SLC41A3: variants seen among roughly 807,000 people sequenced by gnomAD.
The protein encoded by SLC41A3 is solute carrier family 41 member 3, also known as SLC41A1-like 2.
In SLC41A3, 44 loss-of-function variants were observed where a neutral mutation model predicts 45.4. The ratio of observed to expected loss-of-function variants is 0.97; its 90% confidence interval spans 0.76 to 1.25. The LOEUF is 1.25. SLC41A3 is among the 50% of genes most tolerant of loss of function. SLC41A3 has a pLI of 0.00. For missense variants in SLC41A3, 550 were observed against 600.6 expected, an observed-to-expected ratio of 0.92 and a Z score of 0.88; for synonymous variants, 256 against 252.4, an observed-to-expected ratio of 1.01 and a Z score of -0.13.
rs879143649 is a variant in SLC41A3 at position 126,007,242 on chromosome 3, G to C, written c.1255-17C>G. The C allele has an allele frequency of 6.2e-7, 1 of 1,612,262 alleles. No homozygotes were observed. The highest frequency in any genetic ancestry group is 8.5e-7 in the Non-Finnish European group (1 of 1,178,980). The stretch of plus-strand genomic sequence containing the variant: ...GATTGTCACCTGTCAGAAGGGCAAA[G>C]AGACACAAAAGAAGACCAAGTCAGA... On this transcript the variant is annotated splice_polypyrimidine_tract_variant and intron_variant, in intron 10 of 10. Coordinates refer to ENST00000360370, the MANE Select transcript of SLC41A3 (RefSeq NM_017836.4).
intron 3 of SLC41A3, among the ~76,000 whole-genome samples, chr3:126,044,284 AC>A (rs1201108379): frequency 6.6e-6 from 1 of 152,228 alleles, no homozygotes; most frequent in Non-Finnish European, 1.5e-5. Flanking sequence ...GTTTTACCAA[AC>A]ATCAAAGTTC....
intron 3 of SLC41A3, among the ~76,000 whole-genome samples, chr3:126,050,548 T>C (rs999979113): frequency 2.6e-5 from 4 of 152,158 alleles, no homozygotes; most frequent in Non-Finnish European, 5.9e-5. Flanking sequence ...TGACAAAACC[T>C]TCCTGTCTCC....
chr3:126,041,481 T>C (rs189889296), intron 3 of SLC41A3, among the ~76,000 whole-genome samples: 20 of 151,976 alleles, frequency 1.3e-4, no homozygotes, highest in Admixed American at 1.2e-3. Flanking sequence ...ACAAATTACC[T>C]AAAAGAAATG....
In SLC41A3 at chr3:126,057,610, C is replaced by T. The variant is rs188902118; in HGVS notation, c.274-6560G>A. Among the ~76,000 whole-genome samples the T allele has an allele frequency of 7.9e-5, 12 of 152,296 alleles. No individual in the cohort carries two copies. In the East Asian group the frequency reaches 2.3e-3, roughly 29 times the overall value. On this transcript the variant is annotated intron_variant, in intron 2 of 10. Transcript: ENST00000360370. Reference sequence around the variant, plus strand: ...TAGTGGGCACGTTACCTGGTTCTCCCGTCGGACTATCCCAGGCTTAAGTGC... The same window carrying T: ...TAGTGGGCACGTTACCTGGTTCTCCTGTCGGACTATCCCAGGCTTAAGTGC...
At chr3:126,038,521 G>T (rs1047376576) in intron 3 of SLC41A3, among the ~76,000 whole-genome samples, 2 of 152,248 alleles carry the variant, frequency 1.3e-5, no homozygotes, top group African/African-American at 4.8e-5. Context: ...TGTAATGCCT[G>T]TCTGCTGGGC....
At chr3:126,056,725 G>A (rs1943693420) in intron 2 of SLC41A3, 3 of 1,434,332 alleles carry the variant, frequency 2.1e-6, no homozygotes, top group African/African-American at 2.9e-5. Flanking sequence ...CCCCTCGGCT[G>A]AGGGCCAGCA....
At chr3:126,009,012 G>T in intron 9 of SLC41A3, 132 bp from the exon 10 acceptor site, 4 of 1,108,988 alleles carry the variant, frequency 3.6e-6, no homozygotes, top group Non-Finnish European at 5.2e-6. Context: ...CTACTCTGTG[G>T]CAAGCATATT....
Position 126,021,264 on chromosome 3 carries a change from G to A in SLC41A3, c.745+1522C>T, listed in dbSNP as rs997565134. Among the ~76,000 whole-genome samples the A allele has an allele frequency of 1.1e-4, 16 of 152,216 alleles. No individual in the cohort carries two copies. The South Asian group carries it at 1.7e-3, about 16-fold the overall frequency. On this transcript the variant is annotated intron_variant, in intron 6 of 10. Coordinates refer to ENST00000360370, the MANE Select transcript of SLC41A3 (RefSeq NM_017836.4). ...TCCTCCTTTTGTTCTTCCCCTGGGC[G>A]GGCCTTTATCTATCACATGTGCAGT...
At chr3:126,033,431 A>G (rs1941949517) in intron 4 of SLC41A3, among the ~76,000 whole-genome samples, 176 bp downstream of exon 4, 1 of 152,014 alleles carries the variant, frequency 6.6e-6, no homozygotes, top group Non-Finnish European at 1.5e-5. Context: ...AGGTGGGCTG[A>G]GCCTCCAGAA....
At chr3:126,068,676 G>T (rs1282957172) in intron 1 of SLC41A3, among the ~76,000 whole-genome samples, 1 of 152,176 alleles carries the variant, frequency 6.6e-6, no homozygotes, top group Non-Finnish European at 1.5e-5. Context: ...CAAGATGCTG[G>T]TGACATTCTA....
At chr3:126,096,784 C>T (rs1350340596) in intron 1 of SLC41A3, among the ~76,000 whole-genome samples, 1 of 142,616 alleles carries the variant, frequency 7.0e-6, no homozygotes, top group Non-Finnish European at 1.6e-5. Context: ...GCTCTCAAGG[C>T]TGTGAGACCC....
intron 7 of SLC41A3, among the ~76,000 whole-genome samples, chr3:126,016,313 C>T (rs975143793): frequency 5.9e-5 from 9 of 152,198 alleles, no homozygotes; most frequent in African/African-American, 2.2e-4. Context: ...TGGCCAGTGA[C>T]CAGGAGGACG....
rs999798176 is a variant in SLC41A3 at position 126,067,182 on chromosome 3, C to T, written c.273+765G>A. ...GCCACAAATGCACATGCTCTTTACC[C>T]AGCAATTCTACTCGCAACAAGTTAT... On this transcript the variant is annotated intron_variant, in intron 2 of 10. Coordinates refer to ENST00000360370, the MANE Select transcript of SLC41A3 (RefSeq NM_017836.4). 2.0e-5 allele frequency among the ~76,000 whole-genome samples: 3 copies of T among 149,994 alleles called. No homozygotes were observed. The Admixed American group carries it at 2.0e-4, about 10-fold the overall frequency.
intron 3 of SLC41A3, among the ~76,000 whole-genome samples, chr3:126,034,591 G>A (rs186972671): frequency 3.3e-5 from 5 of 152,338 alleles, no homozygotes; most frequent in Admixed American, 1.3e-4. Flanking sequence ...GACACCCACC[G>A]CAGGTGTCCC....
chr3:126,024,590 T>C (rs1559824085), intron 5 of SLC41A3: 1 of 152,288 alleles, frequency 6.6e-6, no homozygotes, highest in Non-Finnish European at 1.5e-5. Context: ...ATGGGCCTGA[T>C]TAGCTGCCTG....
chr3:126,084,290 G>A (rs1444969595), upstream of SLC41A3: 3 of 152,116 alleles, frequency 2.0e-5, no homozygotes, highest in African/African-American at 7.2e-5. Flanking sequence ...CGGGGGCCCG[G>A]GGGGCTGGGA....
intron 1 of SLC41A3, among the ~76,000 whole-genome samples, chr3:126,096,480 C>T (rs902024830): frequency 1.1e-4 from 16 of 152,094 alleles, no homozygotes; most frequent in Admixed American, 3.3e-4. Context: ...ATGGCCATAA[C>T]GCCCACACTG....
intron 1 of SLC41A3, among the ~76,000 whole-genome samples, chr3:126,072,214 T>C (rs923123382): frequency 6.6e-6 from 1 of 152,176 alleles, no homozygotes; most frequent in Non-Finnish European, 1.5e-5. Flanking sequence ...GGGAAGTTTA[T>C]AGCTATAACT....
intron 1 of SLC41A3, among the ~76,000 whole-genome samples, chr3:126,079,230 ACACACACACC>A (rs1211959211): frequency 9.3e-5 from 13 of 139,090 alleles, no homozygotes; most frequent in Non-Finnish European, 1.3e-4. Context: ...ACACACACAC[ACACACACACC>A]CACACACGAT....
Sources: gnomAD v4.1 joint callset for allele counts (sites outside exome capture counted in the v4.1 genomes callset) on GRCh38, gnomAD v4.1.1 for gene constraint, MANE v1.5 for transcripts, NCBI Gene and HGNC (gene_info 2026-07-23, HGNC 2026-07-21) for gene names.